Variants in ELSPBP1 observed in about 807,000 individuals in gnomAD.
The protein encoded by ELSPBP1 is epididymal sperm binding protein 1, also known as epididymal sperm-binding protein 1.
Under a neutral mutation model 33.3 loss-of-function variants are expected in ELSPBP1, and 38 were observed. That is an observed-to-expected ratio of 1.14 (90% CI 0.88 to 1.50). ELSPBP1 has a LOEUF of 1.50. Among genes scored for constraint, ELSPBP1 ranks in the 40% most tolerant of loss-of-function variants. The pLI is 0.00. For synonymous variants in ELSPBP1, 85 were observed against 94.1 expected (o/e 0.90, Z 0.56); for missense variants, 267 against 263.5 (o/e 1.01, Z -0.09).
intron 6 of ELSPBP1, among the ~76,000 whole-genome samples, chr19:48,024,723 G>A (rs1412852059): frequency 1.3e-5 from 2 of 152,096 alleles, no homozygotes; most frequent in African/African-American, 4.8e-5. Flanking sequence ...CACTTTGCAG[G>A]TCCCCTTCCC....
At chr19:48,015,065 A>G (rs1407278089) in intron 3 of ELSPBP1, among the ~76,000 whole-genome samples, 5 of 152,162 alleles carry the variant, frequency 3.3e-5, no homozygotes, top group African/African-American at 1.2e-4. Context: ...AGTAACATAA[A>G]CTGTCAATTA....
chr19:48,006,967 G>A (rs1274069775), intron 1 of ELSPBP1, among the ~76,000 whole-genome samples: 5 of 152,104 alleles, frequency 3.3e-5, no homozygotes, highest in Admixed American at 3.3e-4. Context: ...CGTGTTGTGT[G>A]GCTCAGATAC....
rs1453228805 is a variant in ELSPBP1 at position 48,011,162 on chromosome 19, A to G, written c.70+2425A>G. ...GATGATGATAATGATTATGACAATGATGTGATGAGGAGGAAAATAATGATT... is the reference window on the plus strand; with the variant it reads ...GATGATGATAATGATTATGACAATGGTGTGATGAGGAGGAAAATAATGATT... On this transcript the variant is annotated intron_variant, in intron 2 of 6. Transcript: ENST00000339841. This position sits in a 1 kb window ranked among gnomAD's most constrained non-coding sequence, Gnocchi z 4.5. Among the ~76,000 whole-genome samples the G allele has an allele frequency of 1.3e-5, 2 of 148,862 alleles. No homozygotes were observed. Among genetic ancestry groups the G allele is most frequent in the Non-Finnish European group, 3.0e-5 (2 of 67,480 alleles).
At chr19:48,000,043 C>A (rs1966951436) in intron 1 of ELSPBP1, among the ~76,000 whole-genome samples, 1 of 152,016 alleles carries the variant, frequency 6.6e-6, no homozygotes, top group East Asian at 1.9e-4. Flanking sequence ...ACAAGCTGGT[C>A]TTGAACTCCT....
intron 5 of ELSPBP1, among the ~76,000 whole-genome samples, chr19:48,021,273 G>C (rs1464985415): frequency 6.6e-6 from 1 of 152,136 alleles, no homozygotes; most frequent in African/African-American, 2.4e-5. Context: ...GGGGAACAAG[G>C]GGGTGCTCTT....
At chr19:48,006,570 T>G (rs1967019424) in intron 1 of ELSPBP1, among the ~76,000 whole-genome samples, 1 of 126,264 alleles carries the variant, frequency 7.9e-6, no homozygotes, top group Admixed American at 9.8e-5. Flanking sequence ...GCTGAGGTGG[T>G]GCCACTGCAC....
chr19:48,016,064 A>T (rs1191937482), intron 4 of ELSPBP1, 25 bp downstream of exon 4: 1 of 1,610,244 alleles, frequency 6.2e-7, no homozygotes, highest in Non-Finnish European at 8.5e-7. Context: ...CAGGGATGGG[A>T]TGTGTGGTGG....
intron 1 of ELSPBP1, among the ~76,000 whole-genome samples, chr19:47,998,647 C>T (rs984030731): frequency 6.0e-5 from 9 of 150,742 alleles, no homozygotes; most frequent in South Asian, 4.2e-4. Flanking sequence ...ATCAGCCGAG[C>T]GTGGTGGTGG....
chr19:48,020,148 G>A (rs986802792), intron 5 of ELSPBP1, among the ~76,000 whole-genome samples: 3 of 151,978 alleles, frequency 2.0e-5, no homozygotes, highest in Admixed American at 6.6e-5. Flanking sequence ...CACACGCCAG[G>A]GTTTTTAAAA....
chr19:47,998,846 G>T (rs1005084653), intron 1 of ELSPBP1, among the ~76,000 whole-genome samples: 2 of 151,832 alleles, frequency 1.3e-5, no homozygotes, highest in African/African-American at 2.4e-5. Flanking sequence ...CACTGGAAAG[G>T]GAAGAAAGTC....
In ELSPBP1 at chr19:48,018,919, C is replaced by T. The variant is rs199896511; in HGVS notation, c.356-800C>T. 3.9e-4 allele frequency among the ~76,000 whole-genome samples: 59 copies of T among 152,216 alleles called. 1 individual carries two copies. In the East Asian group the frequency reaches 0.01, roughly 26 times the overall value. On this transcript the variant is annotated intron_variant, in intron 4 of 6. Transcript: ENST00000339841. ...CTGTAATCCCAGCACTGTGGGAGGC[C>T]GAGGCAGGTGAATCACCTGAGGTCA...
In ELSPBP1 at chr19:48,014,244, C is replaced by T. The variant is rs973904946; in HGVS notation, c.144C>T (p.Ser48=). 1 of 1,614,068 alleles carries T rather than the reference C, an allele frequency of 6.2e-7. No homozygotes were observed. The highest frequency in any genetic ancestry group is 1.7e-5 in the Admixed American group (1 of 60,002). The change falls in exon 3 of 7, where the codon AGC becomes AGT. Residue 48 remains serine, a synonymous_variant. Coordinates refer to ENST00000339841, the MANE Select transcript of ELSPBP1 (RefSeq NM_022142.5). The part of the protein sequence containing the change: ...SVYFTCTHIH[S]LSPWCATRAV... ...ACTTCACTTGCACCCATATTCATAG[C>T]TTATCCCCTTGGTGTGCCACCAGAG... is the stretch of plus-strand genomic sequence containing the variant.
chr19:48,010,452 T>C (rs1362624858), intron 2 of ELSPBP1, among the ~76,000 whole-genome samples: 1 of 152,230 alleles, frequency 6.6e-6, no homozygotes, highest in African/African-American at 2.4e-5. Context: ...CATTGTGTTA[T>C]GGACCAGAAG....
At chr19:48,004,732 G>A (rs990563969) in intron 1 of ELSPBP1, among the ~76,000 whole-genome samples, 2 of 152,188 alleles carry the variant, frequency 1.3e-5, no homozygotes, top group African/African-American at 2.4e-5. Context: ...AGTTGTATTT[G>A]TTTCTGGTTT....
intron 1 of ELSPBP1, among the ~76,000 whole-genome samples, chr19:48,004,349 G>A (rs1200574983): frequency 6.6e-6 from 1 of 151,782 alleles, no homozygotes; most frequent in East Asian, 2.0e-4. Flanking sequence ...GTAGAGACGA[G>A]GTGTCACTGT....
At chr19:48,009,173 TTGGACCC>T (rs1175331911) in intron 2 of ELSPBP1, among the ~76,000 whole-genome samples, 4 of 151,398 alleles carry the variant, frequency 2.6e-5, no homozygotes, top group African/African-American at 7.3e-5. Context: ...GACCTGGGGT[TTGGACCC>T]TGGATCTGCC....
intron 3 of ELSPBP1, among the ~76,000 whole-genome samples, chr19:48,015,671 G>GAAAAT (rs1967123818): frequency 6.6e-6 from 1 of 152,030 alleles, no homozygotes; most frequent in Non-Finnish European, 1.5e-5. Flanking sequence ...AAAAAGAAAA[G>GAAAAT]AAAAGAAAAG....
chr19:48,005,134 T>A (rs1177779701), intron 1 of ELSPBP1, among the ~76,000 whole-genome samples: 1 of 150,176 alleles, frequency 6.7e-6, no homozygotes, highest in African/African-American at 2.5e-5. Flanking sequence ...TGATGGGAGA[T>A]GGAGGCTGTA....
intron 1 of ELSPBP1, among the ~76,000 whole-genome samples, chr19:48,002,156 TGCG>T (rs1966974605): frequency 6.6e-6 from 1 of 152,102 alleles, no homozygotes; most frequent in Non-Finnish European, 1.5e-5. Context: ...CCTTCCACTG[TGCG>T]GATGAGGACT....
Sources: gnomAD v4.1 joint callset for allele counts (sites outside exome capture counted in the v4.1 genomes callset) on GRCh38, gnomAD v4.1.1 for gene constraint, Gnocchi (gnomAD v3.1) non-coding constraint, MANE v1.5 for transcripts, NCBI Gene and HGNC (gene_info 2026-07-23, HGNC 2026-07-21) for gene names.